Variants in LNPEP observed in about 807,000 individuals in gnomAD.
The protein encoded by LNPEP is leucyl-cystinyl aminopeptidase.
Under a neutral mutation model 120.6 loss-of-function variants are expected in LNPEP, and 64 were observed. The observed-to-expected ratio is 0.53, with a 90% CI of 0.43 to 0.65. LNPEP has a LOEUF of 0.65. LNPEP is among the 30% of genes least tolerant of loss of function. The probability of loss-of-function intolerance (pLI) is 0.00; values close to 1 mark genes in which losing one functional copy is unlikely to be tolerated. For missense variants in LNPEP, 1,057 were observed against 1,200.0 expected (o/e 0.88, Z 1.76); for synonymous variants, 435 against 425.4 (o/e 1.02, Z -0.28).
At chr5:97,025,349 C>A (rs1223203537) in intron 15 of LNPEP, among the ~76,000 whole-genome samples, 1 of 152,166 alleles carries the variant, frequency 6.6e-6, no homozygotes, top group Non-Finnish European at 1.5e-5. Context: ...TCAGATAAAT[C>A]TTAATAGTGT....
chr5:96,972,088 T>C (rs553022149), intron 1 of LNPEP, among the ~76,000 whole-genome samples: 3 of 152,250 alleles, frequency 2.0e-5, no homozygotes, highest in African/African-American at 7.2e-5. Flanking sequence ...AAAAAAACTC[T>C]GTAAAATGTT....
intron 1 of LNPEP, among the ~76,000 whole-genome samples, chr5:96,959,916 C>A (rs1789556864): frequency 6.8e-6 from 1 of 147,926 alleles, no homozygotes. Context: ...ATTCAGCCAA[C>A]TACTTTTAAA....
intron 11 of LNPEP, chr5:97,011,035 T>C (rs1318962008): frequency 1.0e-6 from 1 of 985,290 alleles, no homozygotes; most frequent in Non-Finnish European, 1.2e-6. Context: ...GTCCCTCCTC[T>C]TTACCATCTG....
intron 1 of LNPEP, among the ~76,000 whole-genome samples, chr5:96,949,842 C>G (rs1308909070): frequency 6.6e-6 from 1 of 152,164 alleles, no homozygotes; most frequent in Non-Finnish European, 1.5e-5. Flanking sequence ...CTCCAAACAA[C>G]TCCAAAACAA....
At chr5:96,961,816 AT>A (rs932576459) in intron 1 of LNPEP, among the ~76,000 whole-genome samples, 1 of 152,156 alleles carries the variant, frequency 6.6e-6, no homozygotes, top group South Asian at 2.1e-4. Context: ...GATTTTTTCA[AT>A]TTTTTTAAAT....
At position 97,027,795 on chromosome 5, in the gene LNPEP, CAA is replaced by C; in HGVS notation, c.2929_2930del (p.Lys977AspfsTer5). On this transcript the variant is annotated frameshift_variant, in exon 17 of 18. Transcript: ENST00000231368. LOFTEE classifies it high-confidence loss of function. ...GCTGGATCAACTTACCTGTTTTCAA[CAA>C]AGACACATTTATCTGAGGTTGGTTT... 6.2e-7 allele frequency: 1 copy of C among 1,605,080 alleles called. No individual in the cohort carries two copies. Among genetic ancestry groups the C allele is most frequent in the Non-Finnish European group, 8.5e-7 (1 of 1,171,728 alleles).
chr5:96,940,068 G>T (rs1415893306), intron 1 of LNPEP, among the ~76,000 whole-genome samples: 4 of 151,958 alleles, frequency 2.6e-5, no homozygotes, highest in Non-Finnish European at 5.9e-5. Context: ...AATTTTATTT[G>T]GGGGAAATAA....
rs1561457100 is a variant in LNPEP, at chr5:97,026,901, A to G, written c.2864+144A>G. On this transcript the variant is annotated intron_variant, in intron 16 of 17. Coordinates refer to ENST00000231368, the MANE Select transcript of LNPEP (RefSeq NM_005575.3). ...GACAGTTTAACTGAAACATCCGGAA[A>G]TTTTCACATTTGTTAACATAATTCC... 9 of 642,198 alleles carry G rather than the reference A, an allele frequency of 1.4e-5. No homozygotes were observed. In the South Asian group the frequency reaches 1.5e-4, roughly 11 times the overall value. 39.8% of individuals were successfully genotyped at this position (642,198 alleles called of 1,614,324 possible).
At position 97,006,444 on chromosome 5, in the gene LNPEP, C is replaced by T. The variant is rs1297890270; in HGVS notation, c.1964C>T (p.Pro655Leu). Reference sequence around the variant, plus strand: ...CTTTACAGCTACCTGTGGCATATTCCACTATCCTATGTCACTGAAGGAAGA... The same window carrying T: ...CTTTACAGCTACCTGTGGCATATTCTACTATCCTATGTCACTGAAGGAAGA... ...PSDTSYLWHIPLSYVTEGRNY... is the reference protein window; with the variant it reads ...PSDTSYLWHILLSYVTEGRNY... The change falls in exon 11 of 18, where the codon CCA becomes CTA. Residue 655 changes from proline to leucine, a missense_variant. By Grantham distance (98) the Pro-to-Leu change is moderately conservative. Transcript: ENST00000231368. 1 of 1,573,628 alleles carries T rather than the reference C, an allele frequency of 6.4e-7. No homozygotes were observed. Among genetic ancestry groups the T allele is most frequent in the African/African-American group, 1.4e-5 (1 of 73,668 alleles).
chr5:96,968,782 C>T (rs1343758606), intron 1 of LNPEP, among the ~76,000 whole-genome samples: 4 of 152,018 alleles, frequency 2.6e-5, no homozygotes, highest in African/African-American at 7.2e-5. Context: ...AGTGAAGTGG[C>T]TATAGCTGCC....
chr5:96,943,650 A>G (rs1410728065), intron 1 of LNPEP, among the ~76,000 whole-genome samples: 1 of 152,198 alleles, frequency 6.6e-6, no homozygotes, highest in Non-Finnish European at 1.5e-5. Flanking sequence ...TTGTGATAGA[A>G]CAATGAACCA....
At chr5:96,963,527 A>G (rs1034255550) in intron 1 of LNPEP, among the ~76,000 whole-genome samples, 1 of 152,120 alleles carries the variant, frequency 6.6e-6, no homozygotes, top group Non-Finnish European at 1.5e-5. Flanking sequence ...CCTCGTCCCC[A>G]GGGAGCCTAG....
chr5:97,014,731 T>C (rs1791021033), intron 12 of LNPEP, among the ~76,000 whole-genome samples: 1 of 152,142 alleles, frequency 6.6e-6, no homozygotes, highest in Admixed American at 6.6e-5. Flanking sequence ...CTATTGTTTA[T>C]CTTTCTCTTG....
intron 4 of LNPEP, among the ~76,000 whole-genome samples, chr5:96,988,948 C>A (rs1790307737): frequency 6.6e-6 from 1 of 152,034 alleles, no homozygotes; most frequent in Non-Finnish European, 1.5e-5. Context: ...ATTATGAATT[C>A]TTTCATCTAG....
At chr5:97,025,204 AGTG>A (rs1034065134) in intron 15 of LNPEP, among the ~76,000 whole-genome samples, 1 of 152,222 alleles carries the variant, frequency 6.6e-6, no homozygotes, top group African/African-American at 2.4e-5. Context: ...AAGAACAGGC[AGTG>A]GTGGGGTAGA....
Position 97,003,518 on chromosome 5 carries a change from G to T in LNPEP, c.1757G>T (p.Ser586Ile), listed in dbSNP as rs746882050. Residue 586 changes from serine to isoleucine, a missense_variant, in exon 9 of 18, where the codon AGT becomes ATT. Ser to Ile is a moderately radical substitution (Grantham distance 142). Transcript: ENST00000231368. ...LHNHSYASIQSDDLWDSFNEV... is the reference protein window; with the variant it reads ...LHNHSYASIQIDDLWDSFNEV... ...AATCACAGCTATGCATCTATTCAAA[G>T]TGATGATCTGTGGGATAGTTTTAAT... The T allele has an allele frequency of 3.1e-6, 5 of 1,604,800 alleles. No homozygotes were observed. The highest frequency in any genetic ancestry group is 4.3e-6 in the Non-Finnish European group (5 of 1,175,446).
chr5:97,026,931 C>T (rs1024336118), intron 16 of LNPEP, among the ~76,000 whole-genome samples, 174 bp downstream of exon 16: 2 of 152,196 alleles, frequency 1.3e-5, no homozygotes, highest in African/African-American at 4.8e-5. Context: ...AATTCCATAG[C>T]ATGAATCATT....
Position 97,032,365 on chromosome 5 carries a change from C to T in LNPEP, c.*3832C>T, listed in dbSNP as rs902649100. ...CAGTTAAGTACTACCTGAAAAGTAG[C>T]GGTTCAAAAGTATGGTAAATCTCCT... On this transcript the variant is annotated 3_prime_UTR_variant, in exon 18 of 18. Coordinates refer to ENST00000231368, the MANE Select transcript of LNPEP (RefSeq NM_005575.3). 2.0e-5 allele frequency: 3 copies of T among 152,144 alleles called. No individual in the cohort carries two copies. The highest frequency in any genetic ancestry group is 6.6e-5 in the Admixed American group (1 of 15,264). The allele number at this position is 152,144 out of a possible 1,614,324, so 9.4% of individuals were successfully genotyped here. A position where few individuals can be genotyped will look rare whatever the true frequency, so the allele number is the denominator to read the frequency against.
chr5:97,027,340 G>A (rs1306271830), intron 16 of LNPEP, among the ~76,000 whole-genome samples: 2 of 150,724 alleles, frequency 1.3e-5, no homozygotes, highest in African/African-American at 2.5e-5. Context: ...GCAACAGGGC[G>A]AGACTCCGTC....
Sources: gnomAD v4.1 joint callset for allele counts (sites outside exome capture counted in the v4.1 genomes callset) on GRCh38, gnomAD v4.1.1 for gene constraint, MANE v1.5 for transcripts, NCBI Gene and HGNC (gene_info 2026-07-23, HGNC 2026-07-21) for gene names.